The following CA13 variants were observed in gnomAD, a reference collection of about 807,000 sequenced individuals.
CA13 encodes the protein carbonic anhydrase 13.
Under a neutral mutation model 31.5 loss-of-function variants are expected in CA13, and 21 were observed. The observed-to-expected ratio is 0.67, with a 90% CI of 0.47 to 0.96. The LOEUF is 0.96. Among genes scored for constraint, CA13 ranks in the 40% least tolerant of loss-of-function variants. The pLI is 0.00. For missense variants in CA13, 315 were observed against 318.9 expected (o/e 0.99, Z 0.09); for synonymous variants, 117 against 111.4 (o/e 1.05, Z -0.32).
chr8:85,245,855 CGAGCACAACGGT>C lies in CA13; in HGVS notation c.32_37+6del. The C allele has an allele frequency of 6.2e-7, 1 of 1,614,148 alleles. No individual in the cohort carries two copies. The highest frequency in any genetic ancestry group is 2.2e-5 in the East Asian group (1 of 44,880). On this transcript the variant is annotated splice_donor_variant and coding_sequence_variant, in exon 1 of 7. Coordinates refer to ENST00000321764, the MANE Select transcript of CA13 (RefSeq NM_198584.3). LOFTEE classifies it high-confidence loss of function. ...TGTCGAGGCTCAGCTGGGGATACCGCGAGCACAACGGTGAGCGCCTTTTCCTGATCCAAGGGG... is the reference window on the plus strand; with the variant it reads ...TGTCGAGGCTCAGCTGGGGATACCGCGAGCGCCTTTTCCTGATCCAAGGGG...
At chr8:85,259,369 C>T in intron 2 of CA13, 52 bp from the exon 3 acceptor site, 2 of 1,442,170 alleles carry the variant, frequency 1.4e-6, no homozygotes, top group Non-Finnish European at 2.0e-6. Flanking sequence ...GTTTGAGCAG[C>T]TTATGTAAAT....
chr8:85,259,057 A>G (rs998647719), intron 2 of CA13, among the ~76,000 whole-genome samples: 1 of 152,216 alleles, frequency 6.6e-6, no homozygotes, highest in Admixed American at 6.5e-5. Flanking sequence ...ACCAAGCTCA[A>G]ACTGGACCTG....
intron 2 of CA13, among the ~76,000 whole-genome samples, chr8:85,252,186 G>A (rs1217410451): frequency 6.6e-6 from 1 of 152,144 alleles, no homozygotes; most frequent in African/African-American, 2.4e-5. Flanking sequence ...GACTTCAGGA[G>A]GTCAAGGCTG....
At chr8:85,268,062 A>G in intron 5 of CA13, 98 bp downstream of exon 5, 1 of 717,108 alleles carries the variant, frequency 1.4e-6, no homozygotes, top group Non-Finnish European at 2.3e-6. Context: ...CCTGCTTTGA[A>G]GTTTGCAACA....
At chr8:85,259,260 T>A (rs1807345042) in intron 2 of CA13, among the ~76,000 whole-genome samples, 161 bp from the exon 3 acceptor site, 1 of 152,230 alleles carries the variant, frequency 6.6e-6, no homozygotes, top group African/African-American at 2.4e-5. Flanking sequence ...AATCTACACA[T>A]ATTTAAAAGT....
rs898208668 is a variant in CA13, at chr8:85,281,718, A to G, written c.*369A>G. On this transcript the variant is annotated 3_prime_UTR_variant, in exon 7 of 7. Coordinates refer to ENST00000321764, the MANE Select transcript of CA13 (RefSeq NM_198584.3). ...TTTTTTTAAGAAATAGGGTCTTGCT[A>G]TGTTGCCCAGGCTGGTCTCAAGCTC... 1.6e-4 allele frequency: 25 copies of G among 161,012 alleles called. No individual in the cohort carries two copies. Among genetic ancestry groups the G allele is most frequent in the African/African-American group, 5.8e-4 (24 of 41,316 alleles). The allele number at this position is 161,012 out of a possible 1,614,324, so 10.0% of individuals were successfully genotyped here.
chr8:85,254,783 T>C (rs1807261241), intron 2 of CA13, among the ~76,000 whole-genome samples: 1 of 151,556 alleles, frequency 6.6e-6, no homozygotes, highest in African/African-American at 2.4e-5. Context: ...TTTTTTTTTT[T>C]TTTTTGGTTT....
At position 85,245,499 on chromosome 8, in the gene CA13, C is replaced by T. The variant is rs1254908580; in HGVS notation, c.-330C>T. ...TCCTCTAGGCAACACTTTCCTCTCC[C>T]GAGTGACGACTCCTCAGAAGGCAGG... On this transcript the variant is annotated 5_prime_UTR_variant, in exon 1 of 7. Transcript: ENST00000321764. The T allele has an allele frequency of 5.8e-6, 2 of 343,726 alleles. No homozygotes were observed. Among genetic ancestry groups the T allele is most frequent in the South Asian group, 3.6e-5 (1 of 27,812 alleles). 21.3% of individuals were successfully genotyped at this position (343,726 alleles called of 1,614,324 possible). A position where few individuals can be genotyped will look rare whatever the true frequency, so the allele number is the denominator to read the frequency against.
chr8:85,268,677 CTT>C (rs10712447), intron 6 of CA13, 50 bp downstream of exon 6: 127,603 of 950,174 alleles, frequency 0.13, 627 homozygotes, highest in African/African-American at 0.22. Flanking sequence ...GGAAACTGGG[CTT>C]TTTTTTTTTT....
intron 1 of CA13, among the ~76,000 whole-genome samples, chr8:85,248,723 A>G (rs369707968): frequency 5.3e-5 from 8 of 152,270 alleles, no homozygotes; most frequent in East Asian, 1.9e-4. Flanking sequence ...TATTACTTTT[A>G]TTTTATTTTG....
intron 2 of CA13, among the ~76,000 whole-genome samples, chr8:85,251,234 C>G (rs989819475): frequency 5.9e-5 from 9 of 152,020 alleles, no homozygotes; most frequent in African/African-American, 2.2e-4. Flanking sequence ...GATCTCCTGA[C>G]CTCGTGATCC....
intron 6 of CA13, among the ~76,000 whole-genome samples, chr8:85,269,795 C>G (rs1007376719): frequency 2.0e-5 from 3 of 152,204 alleles, no homozygotes; most frequent in Non-Finnish European, 4.4e-5. Context: ...ACCTTGAACT[C>G]CTGGGCTCAA....
chr8:85,262,747 G>A (rs138621761), intron 3 of CA13, among the ~76,000 whole-genome samples: 223 of 152,234 alleles, frequency 1.5e-3, no homozygotes, highest in Non-Finnish European at 2.6e-3. Context: ...GGAAACTTTT[G>A]GGGAAAGTTC....
At chr8:85,263,781 G>A (rs886370971) in intron 3 of CA13, among the ~76,000 whole-genome samples, 11 of 152,112 alleles carry the variant, frequency 7.2e-5, no homozygotes, top group Non-Finnish European at 1.3e-4. Context: ...TAGGCTATTG[G>A]ATAAAAACTT....
At chr8:85,277,417 G>A (rs1807628743) in intron 6 of CA13, among the ~76,000 whole-genome samples, 1 of 152,040 alleles carries the variant, frequency 6.6e-6, no homozygotes, top group Non-Finnish European at 1.5e-5. Flanking sequence ...CCCACCAGAA[G>A]GAGGAAACTC....
intron 3 of CA13, among the ~76,000 whole-genome samples, chr8:85,264,639 A>G (rs1009335561): frequency 6.6e-6 from 1 of 152,142 alleles, no homozygotes; most frequent in Non-Finnish European, 1.5e-5. Flanking sequence ...ATATATGTCC[A>G]TTCATCTCTC....
Position 85,247,882 on chromosome 8 carries a change from G to GTT in CA13, c.37+2022_37+2023dup, listed in dbSNP as rs1277563491. On this transcript the variant is annotated intron_variant, in intron 1 of 6. Coordinates refer to ENST00000321764, the MANE Select transcript of CA13 (RefSeq NM_198584.3). ...CACAGCTCTGGGCCTAACTAGGCAAGTTTTTTGTTTTTTTTTTTTTTTCTG... is the reference window on the plus strand; with the variant it reads ...CACAGCTCTGGGCCTAACTAGGCAAGTTTTTTTTGTTTTTTTTTTTTTTTCTG... Among the ~76,000 whole-genome samples the GTT allele has an allele frequency of 1.4e-5, 2 of 142,692 alleles. 1 individual carries two copies. Among genetic ancestry groups the GTT allele is most frequent in the Non-Finnish European group, 3.0e-5 (2 of 66,184 alleles). 93.6% of individuals were successfully genotyped at this position (142,692 alleles called of 152,430 possible).
intron 6 of CA13, among the ~76,000 whole-genome samples, chr8:85,276,294 C>T (rs1261626481): frequency 6.6e-6 from 1 of 152,224 alleles, no homozygotes; most frequent in Non-Finnish European, 1.5e-5. Flanking sequence ...GCCCGCCATG[C>T]TTGAGCCTCC....
intron 2 of CA13, among the ~76,000 whole-genome samples, chr8:85,258,397 T>C (rs1271745688): frequency 6.6e-6 from 1 of 152,178 alleles, no homozygotes; most frequent in Non-Finnish European, 1.5e-5. Flanking sequence ...GTGACAAAGA[T>C]ATGACAGATT....
Sources: allele counts gnomAD v4.1 joint callset (sites outside exome capture counted in the v4.1 genomes callset), GRCh38; gene constraint gnomAD v4.1.1; transcripts MANE v1.5; gene names NCBI Gene and HGNC (gene_info 2026-07-23, HGNC 2026-07-21).